PABPC4L: variants seen among roughly 807,000 people sequenced by gnomAD.
The protein encoded by PABPC4L is polyadenylate-binding protein 4-like.
For missense variants in PABPC4L, 452 were observed against 451.4 expected (o/e 1.00, Z -0.01); for synonymous variants, 169 against 164.1 (o/e 1.03, Z -0.23).
chr4:134,201,044 T>C lies in PABPC4L; in HGVS notation c.-25A>G, dbSNP rs970833568. ...TCTCCTTGTCCTTGCCACTGTGAGT[T>C]TGTCCCCTGGAGTTCTTTGAGCAAT... On this transcript the variant is annotated 5_prime_UTR_variant, in exon 2 of 2. Transcript: ENST00000421491. 9.7e-6 allele frequency: 15 copies of C among 1,551,652 alleles called. No homozygotes were observed. Among genetic ancestry groups the C allele is most frequent in the African/African-American group, 1.4e-5 (1 of 73,138 alleles).
At chr4:133,956,245 A>G in the PABPC4L span, among the ~76,000 whole-genome samples, 1 of 152,200 alleles carries the variant, frequency 6.6e-6, no homozygotes, top group Non-Finnish European at 1.5e-5. Context: ...GACACTAGGA[A>G]TGTAATTATA....
chr4:134,155,604 G>T, the PABPC4L span, among the ~76,000 whole-genome samples: 1 of 151,802 alleles, frequency 6.6e-6, no homozygotes. Flanking sequence ...TGAAATAAAT[G>T]TACTGTTCCT....
chr4:133,949,425 G>T, the PABPC4L span, among the ~76,000 whole-genome samples: 1 of 151,950 alleles, frequency 6.6e-6, no homozygotes, highest in Non-Finnish European at 1.5e-5. Flanking sequence ...ACCAATACTC[G>T]GGCTTTCTTT....
At chr4:134,051,138 T>C in the PABPC4L span, among the ~76,000 whole-genome samples, 1 of 152,116 alleles carries the variant, frequency 6.6e-6, no homozygotes, top group African/African-American at 2.4e-5. Flanking sequence ...AATCTGAAAA[T>C]GTTCTGTTCA....
chr4:134,165,402 T>C, the PABPC4L span, among the ~76,000 whole-genome samples: 31,816 of 151,962 alleles, frequency 0.21, 4,133 homozygotes, highest in Non-Finnish European at 0.27. Context: ...AGGTCTAGTA[T>C]CCAGGGTTTA....
At chr4:134,072,038 A>G in the PABPC4L span, among the ~76,000 whole-genome samples, 3 of 144,440 alleles carry the variant, frequency 2.1e-5, no homozygotes, top group African/African-American at 4.9e-5. Context: ...TAATATAAGC[A>G]TAATTCAATA....
In PABPC4L at chr4:134,197,096, A is replaced by C. The variant is rs1729682840; in HGVS notation, c.*2811T>G. 1 of 151,752 alleles carries C rather than the reference A, an allele frequency of 6.6e-6. No individual in the cohort carries two copies. Among genetic ancestry groups the C allele is most frequent in the Non-Finnish European group, 1.5e-5 (1 of 67,672 alleles). The allele number at this position is 151,752 out of a possible 1,614,324, so 9.4% of individuals were successfully genotyped here. A position where few individuals can be genotyped will look rare whatever the true frequency, so the allele number is the denominator to read the frequency against. On this transcript the variant is annotated 3_prime_UTR_variant, in exon 2 of 2. Coordinates refer to ENST00000421491, the MANE Select transcript of PABPC4L (RefSeq NM_001114734.2). ...CAAGATGTCAAGGCCAGGCACACTT[A>C]ATACACTTTCCAGTCTTGTTGTCTG...
At chr4:133,998,425 T>C in the PABPC4L span, among the ~76,000 whole-genome samples, 2,662 of 151,720 alleles carry the variant, frequency 0.018, 88 homozygotes, top group African/African-American at 0.06. Flanking sequence ...TTTTCTTTTA[T>C]ATCTACTTGA....
the PABPC4L span, among the ~76,000 whole-genome samples, chr4:134,133,937 A>C: frequency 6.6e-6 from 1 of 152,052 alleles, no homozygotes; most frequent in Admixed American, 6.6e-5. Context: ...TGATTTTTTA[A>C]AAATAGTGTT....
chr4:134,049,774 G>C, the PABPC4L span, among the ~76,000 whole-genome samples: 1 of 152,162 alleles, frequency 6.6e-6, no homozygotes. Flanking sequence ...TATGCAAATT[G>C]CTTAATCAAC....
chr4:134,084,287 T>C, the PABPC4L span, among the ~76,000 whole-genome samples: 3 of 152,032 alleles, frequency 2.0e-5, no homozygotes, highest in Non-Finnish European at 2.9e-5. Flanking sequence ...CTTCAAGCAA[T>C]CCTCCCTCCT....
the PABPC4L span, among the ~76,000 whole-genome samples, chr4:134,070,638 T>TG: frequency 6.6e-6 from 1 of 151,456 alleles, no homozygotes; most frequent in African/African-American, 2.4e-5. Context: ...GGCAAAGCAG[T>TG]GGGGGTGTGG....
At chr4:134,023,446 C>T in the PABPC4L span, among the ~76,000 whole-genome samples, 1 of 152,076 alleles carries the variant, frequency 6.6e-6, no homozygotes, top group Non-Finnish European at 1.5e-5. Flanking sequence ...ACAGCAGTTC[C>T]TGATCTGGAA....
At chr4:133,989,408 G>A in the PABPC4L span, among the ~76,000 whole-genome samples, 1 of 152,216 alleles carries the variant, frequency 6.6e-6, no homozygotes, top group Non-Finnish European at 1.5e-5. Context: ...GATCTCTAGG[G>A]CAGGGGCAAA....
the PABPC4L span, among the ~76,000 whole-genome samples, chr4:134,081,691 G>A: frequency 6.6e-6 from 1 of 151,806 alleles, no homozygotes; most frequent in African/African-American, 2.4e-5. Context: ...AAATCACAAT[G>A]CTGTTCTACT....
the PABPC4L span, among the ~76,000 whole-genome samples, chr4:133,965,898 C>T: frequency 6.6e-6 from 1 of 152,102 alleles, no homozygotes; most frequent in Non-Finnish European, 1.5e-5. Context: ...CCCTTCTAGA[C>T]ATTGGCTTAG....
At position 134,196,748 on chromosome 4, in the gene PABPC4L, A is replaced by T. The variant is rs1729669340; in HGVS notation, c.*3159T>A. On this transcript the variant is annotated 3_prime_UTR_variant, in exon 2 of 2. Transcript: ENST00000421491. ...CTTGCTATTATCACGCACCAAAAAA[A>T]ATTAGAATGAACAAAATTTAAATAA... is the stretch of plus-strand genomic sequence containing the variant. 1 of 151,914 alleles carries T rather than the reference A, an allele frequency of 6.6e-6. No individual in the cohort carries two copies. Among genetic ancestry groups the T allele is most frequent in the Middle Eastern group, 3.4e-3 (1 of 294 alleles). The allele number at this position is 151,914 out of a possible 1,614,324, so 9.4% of individuals were successfully genotyped here. A position where few individuals can be genotyped will look rare whatever the true frequency, so the allele number is the denominator to read the frequency against.
chr4:134,004,460 A>G, the PABPC4L span, among the ~76,000 whole-genome samples: 12 of 151,852 alleles, frequency 7.9e-5, no homozygotes, highest in Non-Finnish European at 1.5e-4. Flanking sequence ...CACATTCATA[A>G]TAATAGCTGA....
the PABPC4L span, among the ~76,000 whole-genome samples, chr4:134,026,891 A>C: frequency 6.6e-6 from 1 of 152,106 alleles, no homozygotes; most frequent in African/African-American, 2.4e-5. Flanking sequence ...GAAAAGTCAC[A>C]GAATGGATTC....
Sources: allele counts gnomAD v4.1 joint callset (sites outside exome capture counted in the v4.1 genomes callset), GRCh38; gene constraint gnomAD v4.1.1; transcripts MANE v1.5; gene names NCBI Gene and HGNC (gene_info 2026-07-23, HGNC 2026-07-21).